MUCL1: variants seen among roughly 807,000 people sequenced by gnomAD.
MUCL1 encodes the protein mucin-like protein 1.
MUCL1 carries 11 observed loss-of-function variants against 9.2 expected under a neutral mutation model. The observed-to-expected ratio is 1.19, with a 90% CI of 0.75 to 1.97. MUCL1 has a LOEUF of 1.97. Ranked by LOEUF, MUCL1 falls within the 30% of genes most tolerant of loss-of-function variation. The probability of loss-of-function intolerance (pLI) is 0.00; values close to 1 mark genes in which losing one functional copy is unlikely to be tolerated. For missense variants in MUCL1, 144 were observed against 110.9 expected (o/e 1.30, Z -1.34); for synonymous variants, 48 against 40.5 (o/e 1.19, Z -0.71).
At chr12:54,832,345 A>G (rs1959186592) in intron 1 of MUCL1, among the ~76,000 whole-genome samples, 1 of 152,088 alleles carries the variant, frequency 6.6e-6, no homozygotes, top group Non-Finnish European at 1.5e-5. Context: ...AGAGATTGTG[A>G]AAGGCTTTTC....
chr12:54,832,958 G>T (rs543365732), intron 1 of MUCL1, among the ~76,000 whole-genome samples: 5 of 152,102 alleles, frequency 3.3e-5, no homozygotes, highest in African/African-American at 4.8e-5. Context: ...AAATAACCAA[G>T]CTTCCTTATT....
At chr12:54,854,164 C>T (rs1022312300), upstream of MUCL1, among the ~76,000 whole-genome samples, 8 of 152,124 alleles carry the variant, frequency 5.3e-5, no homozygotes, top group African/African-American at 1.9e-4. Flanking sequence ...GTGTATGACT[C>T]CTAGAATCTA....
At chr12:54,843,329 T>G (rs1011220810) in intron 1 of MUCL1, among the ~76,000 whole-genome samples, 1 of 152,246 alleles carries the variant, frequency 6.6e-6, no homozygotes, top group African/African-American at 2.4e-5. Context: ...GAATGGGTAT[T>G]GAATTTTATC....
At chr12:54,839,854 T>C (rs766007007) in intron 1 of MUCL1, among the ~76,000 whole-genome samples, 2 of 152,170 alleles carry the variant, frequency 1.3e-5, no homozygotes, top group Non-Finnish European at 2.9e-5. Context: ...CAAACACTCC[T>C]TGAGCACCAG....
upstream of MUCL1, among the ~76,000 whole-genome samples, chr12:54,839,020 A>C (rs767323016): frequency 6.6e-6 from 1 of 151,906 alleles, no homozygotes; most frequent in Non-Finnish European, 1.5e-5. Context: ...TGCCAGAATT[A>C]TTTTTCTAGT....
chr12:54,848,671 T>C (rs2135943719), intron 1 of MUCL1, among the ~76,000 whole-genome samples: 1 of 152,318 alleles, frequency 6.6e-6, no homozygotes, highest in South Asian at 2.1e-4. Flanking sequence ...AAGTTGTCAG[T>C]AAGCCCAAAC....
At chr12:54,833,357 T>C (rs1401192383) in intron 1 of MUCL1, among the ~76,000 whole-genome samples, 1 of 152,104 alleles carries the variant, frequency 6.6e-6, no homozygotes. Context: ...TAATATTTTC[T>C]AGTTTTTTGT....
intron 1 of MUCL1, among the ~76,000 whole-genome samples, chr12:54,834,019 C>G (rs1959189051): frequency 6.6e-6 from 1 of 151,874 alleles, no homozygotes; most frequent in South Asian, 2.1e-4. Context: ...TGCATTATAA[C>G]TATACCCTCT....
At chr12:54,836,575 T>G (rs1959193343), upstream of MUCL1, among the ~76,000 whole-genome samples, 1 of 152,180 alleles carries the variant, frequency 6.6e-6, no homozygotes, top group African/African-American at 2.4e-5. Context: ...TTGTTTCAAT[T>G]TCATTCAGTT....
intron 2 of MUCL1, among the ~76,000 whole-genome samples, chr12:54,855,814 T>C (rs1339511996): frequency 6.6e-6 from 1 of 152,260 alleles, no homozygotes; most frequent in Admixed American, 6.5e-5. Flanking sequence ...CCTTCGCATC[T>C]TGGGAATTTG....
chr12:54,844,932 G>T (rs1483239347), intron 1 of MUCL1, among the ~76,000 whole-genome samples: 15 of 152,208 alleles, frequency 9.9e-5, no homozygotes, highest in Admixed American at 9.8e-4. Flanking sequence ...CACAGACACT[G>T]TGGGTGAAGA....
intron 1 of MUCL1, among the ~76,000 whole-genome samples, chr12:54,839,663 T>C (rs1050813070): frequency 1.3e-5 from 2 of 152,200 alleles, no homozygotes; most frequent in African/African-American, 4.8e-5. Context: ...CTTTTCTTCT[T>C]CAGGAATGCT....
chr12:54,852,324 A>G (rs1176519019), upstream of MUCL1, among the ~76,000 whole-genome samples: 2 of 152,214 alleles, frequency 1.3e-5, no homozygotes, highest in Admixed American at 6.5e-5. Context: ...GACCAATGGA[A>G]CAGAACAGAG....
upstream of MUCL1, among the ~76,000 whole-genome samples, chr12:54,851,723 T>C (rs368063820): frequency 0.044 from 6,667 of 152,206 alleles, 173 homozygotes; most frequent in Middle Eastern, 0.11. Flanking sequence ...CAAATTGTCC[T>C]TGTTTGCAGA....
At chr12:54,849,881 T>G (rs1959311068), upstream of MUCL1, among the ~76,000 whole-genome samples, 1 of 152,098 alleles carries the variant, frequency 6.6e-6, no homozygotes, top group African/African-American at 2.4e-5. Context: ...TTCAGAAAAA[T>G]AAAGCCTCAA....
At chr12:54,854,678 G>C in intron 1 of MUCL1, 38 bp downstream of exon 1, 1 of 1,561,922 alleles carries the variant, frequency 6.4e-7, no homozygotes. Flanking sequence ...AGTTTTGTGG[G>C]AATATACATA....
At chr12:54,848,651 G>A (rs1438435788) in intron 1 of MUCL1, among the ~76,000 whole-genome samples, 1 of 152,166 alleles carries the variant, frequency 6.6e-6, no homozygotes, top group East Asian at 1.9e-4. Flanking sequence ...AATCATGGAA[G>A]AGGAAATTCA....
intron 1 of MUCL1, among the ~76,000 whole-genome samples, chr12:54,844,270 T>C (rs1408041251): frequency 6.6e-6 from 1 of 152,100 alleles, no homozygotes; most frequent in East Asian, 1.9e-4. Context: ...GGATAATGTA[T>C]TATGAATTTA....
rs551518910 is a variant in MUCL1 at position 54,844,619 on chromosome 12, ATG to A, written c.43+5174_43+5175del. ...CTAGCAGTTCATTAGGTATATTTTT[ATG>A]TCTTACCTTTCTTTAGGCAAGAGTT... is the stretch of plus-strand genomic sequence containing the variant. On this transcript the variant is annotated intron_variant, in intron 1 of 3. Coordinates refer to the MUCL1 transcript ENST00000546809. Among the ~76,000 whole-genome samples, 747 of 152,246 alleles carry A rather than the reference ATG, an allele frequency of 4.9e-3. 5 individuals are homozygous for A. The highest frequency in any genetic ancestry group is 0.017 in the African/African-American group (696 of 41,552).
Sources: gnomAD v4.1 joint callset for allele counts (sites outside exome capture counted in the v4.1 genomes callset) on GRCh38, gnomAD v4.1.1 for gene constraint, MANE v1.5 for transcripts, NCBI Gene and HGNC (gene_info 2026-07-23, HGNC 2026-07-21) for gene names.